The following PSMA1 variants were observed in gnomAD, a reference collection of about 807,000 sequenced individuals.
PSMA1 encodes proteasome subunit alpha type-1.
Under a neutral mutation model 38.4 loss-of-function variants are expected in PSMA1, and 3 were observed. The observed-to-expected ratio is 0.08, with a 90% CI of 0.04 to 0.20. The LOEUF (loss-of-function observed/expected upper bound fraction) is 0.20, where lower values mean the gene tolerates loss of function less well. Among genes scored for constraint, PSMA1 ranks in the 10% least tolerant of loss-of-function variants. PSMA1 has a pLI of 1.00. For synonymous variants in PSMA1, 101 were observed against 107.1 expected, an observed-to-expected ratio of 0.94 and a Z score of 0.35; for missense variants, 227 against 325.3, an observed-to-expected ratio of 0.70 and a Z score of 2.32.
Position 14,628,211 on chromosome 11 carries a change from C to T in PSMA1, c.-166+15244G>A, listed in dbSNP as rs189731728. 3.4e-3 allele frequency among the ~76,000 whole-genome samples: 518 copies of T among 151,626 alleles called. 6 individuals carry two copies. Among genetic ancestry groups the T allele is most frequent in the African/African-American group, 0.012 (480 of 41,268 alleles). Reference sequence around the variant, plus strand: ...CTTTAAGTTTTAGGGTACACGTGCACATTGTGCAGGTTAGTTACATATGTA... The same window carrying T: ...CTTTAAGTTTTAGGGTACACGTGCATATTGTGCAGGTTAGTTACATATGTA... On this transcript the variant is annotated intron_variant, in intron 1 of 10. Transcript: ENST00000418988.
At chr11:14,518,158 T>C (rs1359383166) in intron 2 of PSMA1, among the ~76,000 whole-genome samples, 177 bp from the exon 3 acceptor site, 1 of 151,728 alleles carries the variant, frequency 6.6e-6, no homozygotes, top group African/African-American at 2.4e-5. Context: ...TGGAGTGCAG[T>C]GGCACAATCT....
At chr11:14,580,499 C>G (rs1049807948) in intron 2 of PSMA1, among the ~76,000 whole-genome samples, 1 of 152,166 alleles carries the variant, frequency 6.6e-6, no homozygotes, top group Admixed American at 6.5e-5. Flanking sequence ...CTAAGTCACT[C>G]CATTCATAGG....
At chr11:14,550,423 C>A (rs1851873271) in intron 2 of PSMA1, among the ~76,000 whole-genome samples, 1 of 152,194 alleles carries the variant, frequency 6.6e-6, no homozygotes, top group Non-Finnish European at 1.5e-5. Flanking sequence ...TTCAGAAGCC[C>A]TAACATGTTA....
chr11:14,592,376 C>CTCTCTATATATATATA (rs1201045926), intron 2 of PSMA1, among the ~76,000 whole-genome samples: 1 of 122,378 alleles, frequency 8.2e-6, no homozygotes, highest in Non-Finnish European at 1.7e-5. Context: ...CTCTCTCTCT[C>CTCTCTATATATATATA]TATATATATA....
intron 2 of PSMA1, among the ~76,000 whole-genome samples, chr11:14,564,146 C>T (rs961189106): frequency 6.6e-6 from 1 of 152,192 alleles, no homozygotes; most frequent in African/African-American, 2.4e-5. Context: ...ACATTTCTAA[C>T]ATCATAGGAT....
At chr11:14,611,542 CA>C (rs1188743253) in intron 1 of PSMA1, among the ~76,000 whole-genome samples, 2 of 152,132 alleles carry the variant, frequency 1.3e-5, no homozygotes, top group Non-Finnish European at 2.9e-5. Flanking sequence ...TTTTGTTTCT[CA>C]GTTTTTAGAG....
chr11:14,520,461 C>T, upstream of PSMA1: 2 of 1,536,400 alleles, frequency 1.3e-6, no homozygotes, highest in Non-Finnish European at 1.8e-6. Context: ...GCTTGCAACA[C>T]TTCCCCCTCC....
chr11:14,569,049 T>A (rs552325994), intron 2 of PSMA1, among the ~76,000 whole-genome samples: 187 of 152,298 alleles, frequency 1.2e-3, no homozygotes, highest in South Asian at 6.2e-3. Context: ...CCTGGAGACA[T>A]TTTCCCCATT....
chr11:14,613,495 C>T (rs982755895), intron 1 of PSMA1, among the ~76,000 whole-genome samples: 8 of 152,006 alleles, frequency 5.3e-5, no homozygotes, highest in African/African-American at 1.9e-4. Flanking sequence ...CTCAGGTGAT[C>T]TGCCCACCTC....
At chr11:14,518,029 A>T in intron 2 of PSMA1, 48 bp from the exon 3 acceptor site, 1 of 1,352,910 alleles carries the variant, frequency 7.4e-7, no homozygotes. Context: ...GATCTTTTAT[A>T]AATTAAAAAT....
intron 1 of PSMA1, among the ~76,000 whole-genome samples, chr11:14,628,626 T>C (rs1424640166): frequency 6.7e-6 from 1 of 148,310 alleles, no homozygotes; most frequent in African/African-American, 2.5e-5. Flanking sequence ...GCAATAAACA[T>C]ACGTGTGCAT....
intron 2 of PSMA1, among the ~76,000 whole-genome samples, chr11:14,546,851 G>A (rs1270627817): frequency 6.6e-6 from 1 of 152,176 alleles, no homozygotes; most frequent in Non-Finnish European, 1.5e-5. Flanking sequence ...GATATAGAGT[G>A]GGAGTAACCT....
chr11:14,572,220 G>A (rs187037410), intron 2 of PSMA1, among the ~76,000 whole-genome samples: 109 of 152,074 alleles, frequency 7.2e-4, no homozygotes, highest in African/African-American at 2.3e-3. Context: ...TATTCTTCTC[G>A]GCACCACATC....
intron 2 of PSMA1, among the ~76,000 whole-genome samples, chr11:14,530,177 A>G (rs1302512493): frequency 6.6e-6 from 1 of 151,858 alleles, no homozygotes; most frequent in Admixed American, 6.6e-5. Context: ...ATCATATATC[A>G]AAGTTTCATT....
At chr11:14,609,658 CA>C (rs1319003159) in intron 2 of PSMA1, among the ~76,000 whole-genome samples, 8 of 151,970 alleles carry the variant, frequency 5.3e-5, no homozygotes, top group African/African-American at 1.7e-4. Context: ...ATAGCAAATG[CA>C]AAAACAGGAG....
intron 1 of PSMA1, among the ~76,000 whole-genome samples, chr11:14,641,774 T>C (rs1853205344): frequency 1.3e-5 from 2 of 152,232 alleles, no homozygotes; most frequent in Non-Finnish European, 2.9e-5. Flanking sequence ...GTATAAATAA[T>C]ATAAAAGGTT....
At chr11:14,613,118 C>A (rs1852729105) in intron 1 of PSMA1, among the ~76,000 whole-genome samples, 1 of 151,792 alleles carries the variant, frequency 6.6e-6, no homozygotes, top group South Asian at 2.1e-4. Context: ...CAAATAAAGT[C>A]TGTAATAAAG....
At chr11:14,562,494 T>G (rs1852021017) in intron 2 of PSMA1, among the ~76,000 whole-genome samples, 1 of 152,228 alleles carries the variant, frequency 6.6e-6, no homozygotes, top group Non-Finnish European at 1.5e-5. Context: ...GAACAGCTCC[T>G]TCAATTTCAA....
intron 1 of PSMA1, among the ~76,000 whole-genome samples, chr11:14,611,650 C>G (rs1373248382): frequency 6.6e-6 from 1 of 152,152 alleles, no homozygotes; most frequent in Non-Finnish European, 1.5e-5. Flanking sequence ...ACAATTAGGT[C>G]AGGTGTGCAT....
Sources: gnomAD v4.1 joint callset for allele counts (sites outside exome capture counted in the v4.1 genomes callset) on GRCh38, gnomAD v4.1.1 for gene constraint, MANE v1.5 for transcripts, NCBI Gene and HGNC (gene_info 2026-07-23, HGNC 2026-07-21) for gene names.